Variants in CC2D2A observed in about 807,000 individuals in gnomAD.
CC2D2A encodes coiled-coil and C2 domain-containing protein 2A.
A neutral mutation model predicts 212.9 loss-of-function variants in CC2D2A; 155 were observed. The observed-to-expected ratio is 0.73, with a 90% CI of 0.64 to 0.83. CC2D2A has a LOEUF of 0.83. Ranked by LOEUF, CC2D2A falls within the 40% of genes least tolerant of loss-of-function variation. The pLI is 0.00. For synonymous variants in CC2D2A, 667 were observed against 686.5 expected, an observed-to-expected ratio of 0.97 and a Z score of 0.44; for missense variants, 1,856 against 1,956.2, an observed-to-expected ratio of 0.95 and a Z score of 0.97.
At chr4:15,500,101 G>GTATACATATATATATATATA (rs1222191394) in intron 4 of CC2D2A, among the ~76,000 whole-genome samples, 1 of 71,126 alleles carries the variant, frequency 1.4e-5, no homozygotes, top group African/African-American at 4.2e-5. Context: ...GTGTGTGTGT[G>GTATACATATATATATATATA]TGTGTGTATA....
chr4:15,592,708 T>C (rs1013311693), intron 33 of CC2D2A, among the ~76,000 whole-genome samples: 5 of 152,202 alleles, frequency 3.3e-5, no homozygotes, highest in African/African-American at 9.7e-5. Context: ...ACACCTATTA[T>C]TATTAATTGT....
In CC2D2A at chr4:15,527,479, G is replaced by A; in HGVS notation, c.1182G>A (p.Val394=). 6.2e-7 allele frequency: 1 copy of A among 1,613,560 alleles called. No individual in the cohort carries two copies. The highest frequency in any genetic ancestry group is 8.5e-7 in the Non-Finnish European group (1 of 1,179,692). The part of the protein sequence containing the change: ...AVKYVHSSQH[V]IRSGDPPGNF... Reference sequence around the variant, plus strand: ...AATACGTTCACAGTAGTCAGCATGTGATCAGATCTGGAGACCCTCCTGGAA... The same window carrying A: ...AATACGTTCACAGTAGTCAGCATGTAATCAGATCTGGAGACCCTCCTGGAA... Residue 394 remains valine (V), a synonymous_variant, in exon 12 of 37, where the codon GTG becomes GTA. Transcript: ENST00000424120.
At position 15,565,399 on chromosome 4, in the gene CC2D2A, G is replaced by T. The variant is rs1420340099; in HGVS notation, c.3182+1877G>T. Among the ~76,000 whole-genome samples the T allele has an allele frequency of 1.2e-3, 172 of 140,316 alleles. 1 individual carries two copies. The highest frequency in any genetic ancestry group is 2.4e-3 in the Admixed American group (34 of 14,138). 92.1% of individuals were successfully genotyped at this position (140,316 alleles called of 152,430 possible). A position where few individuals can be genotyped will look rare whatever the true frequency, so the allele number is the denominator to read the frequency against. On this transcript the variant is annotated intron_variant, in intron 24 of 36. Coordinates refer to ENST00000424120, the MANE Select transcript of CC2D2A (RefSeq NM_001378615.1). ...TTACCTTTGCACTCATCCACATACG[G>T]TTTTTTTTTTTTTTTGCCTCCCTCA...
At chr4:15,576,324 T>C (rs1000585019) in intron 29 of CC2D2A, 3 of 954,090 alleles carry the variant, frequency 3.1e-6, no homozygotes, top group Middle Eastern at 5.3e-4. Flanking sequence ...CCTAAAATTA[T>C]AGGGTCAACA....
At chr4:15,531,148 G>C (rs554869979) in intron 13 of CC2D2A, among the ~76,000 whole-genome samples, 16 of 151,886 alleles carry the variant, frequency 1.1e-4, no homozygotes, top group African/African-American at 3.4e-4. Context: ...TACTATCTCC[G>C]CTCTCTCCCA....
chr4:15,491,517 G>T (rs1481675388), intron 4 of CC2D2A, among the ~76,000 whole-genome samples: 1 of 152,136 alleles, frequency 6.6e-6, no homozygotes, highest in Non-Finnish European at 1.5e-5. Flanking sequence ...TGATTCACTT[G>T]CCTCAGCCTC....
Position 15,599,707 on chromosome 4 carries a change from G to T in CC2D2A, c.4674+1G>T, listed in dbSNP as rs894534295. Reference sequence around the variant, plus strand: ...GCTAAAACAGCTGGGAGACTACAGGGTAAGTTACAAATGGATCCTAAACTG... The same window carrying T: ...GCTAAAACAGCTGGGAGACTACAGGTTAAGTTACAAATGGATCCTAAACTG... On this transcript the variant is annotated splice_donor_variant, in intron 36 of 36. Transcript: ENST00000424120. LOFTEE classifies it high-confidence loss of function. The T allele has an allele frequency of 6.3e-7, 1 of 1,599,694 alleles. No homozygotes were observed. Among genetic ancestry groups the T allele is most frequent in the Non-Finnish European group, 8.6e-7 (1 of 1,169,322 alleles).
intron 11 of CC2D2A, among the ~76,000 whole-genome samples, chr4:15,517,071 T>G (rs1716922736): frequency 6.6e-6 from 1 of 151,468 alleles, no homozygotes; most frequent in Admixed American, 6.6e-5. Flanking sequence ...CCTCAGCCTT[T>G]TGAGTAGCTG....
intron 17 of CC2D2A, among the ~76,000 whole-genome samples, chr4:15,543,356 T>C (rs1718556243): frequency 6.6e-6 from 1 of 152,170 alleles, no homozygotes; most frequent in Non-Finnish European, 1.5e-5. Context: ...TTTTGGCTGC[T>C]AACTTAAACA....
chr4:15,528,818 A>G (rs1717659953), intron 13 of CC2D2A, 92 bp downstream of exon 13: 3 of 803,412 alleles, frequency 3.7e-6, no homozygotes, highest in Non-Finnish European at 5.9e-6. Flanking sequence ...TCTGAATGCA[A>G]TGAATACATG....
chr4:15,559,348 G>C (rs1719450784), intron 22 of CC2D2A, 91 bp downstream of exon 22: 1 of 789,472 alleles, frequency 1.3e-6, no homozygotes, highest in Non-Finnish European at 2.1e-6. Flanking sequence ...ATATCTATGT[G>C]AGCTTATGCA....
chr4:15,531,960 CA>C (rs1203359673), intron 13 of CC2D2A, among the ~76,000 whole-genome samples: 1 of 152,122 alleles, frequency 6.6e-6, no homozygotes, highest in Non-Finnish European at 1.5e-5. Context: ...TGGTATCGGG[CA>C]AGGTTCTAAG....
intron 11 of CC2D2A, among the ~76,000 whole-genome samples, chr4:15,518,093 A>AC (rs1439108682): frequency 1.3e-5 from 2 of 151,966 alleles, no homozygotes; most frequent in African/African-American, 4.8e-5. Flanking sequence ...ATATCATTTC[A>AC]CCCCTGGCCC....
In CC2D2A at chr4:15,511,334, C is replaced by G; in HGVS notation, c.628C>G (p.Pro210Ala). ...CGAACCAGAAGGATCAGAGGAAAAA[C>G]CAAAAGCAAGACATAGAGCGGGAAC... ...DPEPEGSEEKPKARHRAGTNQ... is the reference protein window; with the variant it reads ...DPEPEGSEEKAKARHRAGTNQ... Residue 210 changes from proline (P) to alanine (A), a missense_variant, in exon 8 of 37, where the codon CCA (proline) becomes GCA (alanine). Transcript: ENST00000424120. 2 of 1,597,638 alleles carry G rather than the reference C, an allele frequency of 1.3e-6. No individual in the cohort carries two copies. Among genetic ancestry groups the G allele is most frequent in the Non-Finnish European group, 1.7e-6 (2 of 1,173,938 alleles).
chr4:15,548,154 C>T (rs993572536), intron 17 of CC2D2A, among the ~76,000 whole-genome samples: 2 of 151,200 alleles, frequency 1.3e-5, no homozygotes, highest in Non-Finnish European at 3.0e-5. Flanking sequence ...AGATAGAATC[C>T]GTTTTTTTCT....
At chr4:15,595,222 C>T (rs1721268603) in intron 33 of CC2D2A, among the ~76,000 whole-genome samples, 1 of 152,120 alleles carries the variant, frequency 6.6e-6, no homozygotes, top group Admixed American at 6.5e-5. Flanking sequence ...TAGTAGGTAG[C>T]TGATTAAATA....
Position 15,557,448 on chromosome 4 carries a change from T to A in CC2D2A, c.2770T>A (p.Phe924Ile). Reference sequence around the variant, plus strand: ...TCTTAGAAGCCAAGAGGTGCCAGAATTCCGAAATTATAAGCAAGTTCCAGT... The same window carrying A: ...TCTTAGAAGCCAAGAGGTGCCAGAAATCCGAAATTATAAGCAAGTTCCAGT... Reference protein sequence around the residue: ...LHLRSQEVPEFRNYKQVPVYD... With the variant: ...LHLRSQEVPEIRNYKQVPVYD... Residue 924 changes from phenylalanine to isoleucine, a missense_variant, in exon 21 of 37, where the codon TTC becomes ATC. By Grantham distance (21) the Phe-to-Ile change is conservative (BLOSUM62 0). Coordinates refer to ENST00000424120, the MANE Select transcript of CC2D2A (RefSeq NM_001378615.1). 3 of 1,613,038 alleles carry A rather than the reference T, an allele frequency of 1.9e-6. No individual in the cohort carries two copies.
intron 2 of CC2D2A, among the ~76,000 whole-genome samples, chr4:15,477,557 C>T (rs1387318779): frequency 6.6e-6 from 1 of 152,092 alleles, no homozygotes; most frequent in African/African-American, 2.4e-5. Flanking sequence ...CATTCTAAGT[C>T]AGTAAAAACT....
At chr4:15,490,143 A>G (rs1299206505) in intron 4 of CC2D2A, among the ~76,000 whole-genome samples, 1 of 152,246 alleles carries the variant, frequency 6.6e-6, no homozygotes, top group Non-Finnish European at 1.5e-5. Flanking sequence ...TTTAGTAGGC[A>G]TATTGAAATA....
Sources: allele counts gnomAD v4.1 joint callset (sites outside exome capture counted in the v4.1 genomes callset), GRCh38; gene constraint gnomAD v4.1.1; transcripts MANE v1.5; gene names NCBI Gene and HGNC (gene_info 2026-07-23, HGNC 2026-07-21).